Variants in NOX4 observed in about 807,000 individuals in gnomAD.
The protein encoded by NOX4 is kidney oxidase-1.
Under a neutral mutation model 87.6 loss-of-function variants are expected in NOX4, and 69 were observed. The observed-to-expected ratio is 0.79, with a 90% CI of 0.65 to 0.96. The LOEUF (loss-of-function observed/expected upper bound fraction) is 0.96, where lower values mean the gene tolerates loss of function less well. Ranked by LOEUF, NOX4 falls within the 40% of genes least tolerant of loss-of-function variation. The pLI is 0.00. For synonymous variants in NOX4, 275 were observed against 238.2 expected, an observed-to-expected ratio of 1.15 and a Z score of -1.42; for missense variants, 680 against 681.5, an observed-to-expected ratio of 1.00 and a Z score of 0.02.
intron 12 of NOX4, among the ~76,000 whole-genome samples, chr11:89,366,638 T>G (rs922180729): frequency 7.4e-5 from 11 of 148,294 alleles, no homozygotes; most frequent in Admixed American, 1.4e-4. Flanking sequence ...CAGTGAGCCA[T>G]GACCATATCA....
intron 11 of NOX4, among the ~76,000 whole-genome samples, chr11:89,390,031 T>C (rs1941019444): frequency 1.3e-5 from 2 of 152,184 alleles, no homozygotes; most frequent in African/African-American, 4.8e-5. Context: ...ACTCACTGTT[T>C]AGTGGGAATC....
intron 3 of NOX4, among the ~76,000 whole-genome samples, chr11:89,450,914 G>C (rs527867336): frequency 3.3e-5 from 5 of 151,620 alleles, no homozygotes; most frequent in Non-Finnish European, 7.4e-5. Context: ...TCCTTTGTAG[G>C]GACATGGATG....
intron 8 of NOX4, among the ~76,000 whole-genome samples, chr11:89,418,117 A>G (rs2135250176): frequency 6.6e-6 from 1 of 152,160 alleles, no homozygotes; most frequent in East Asian, 1.9e-4. Context: ...GGTTAAGCCA[A>G]GGGCACAGAT....
At chr11:89,588,101 T>C in the NOX4 span, among the ~76,000 whole-genome samples, 7 of 152,196 alleles carry the variant, frequency 4.6e-5, no homozygotes, top group South Asian at 2.1e-4. Flanking sequence ...TTATTTGCTT[T>C]TACTCTGCTA....
At chr11:89,404,320 G>A (rs1591136502) in intron 8 of NOX4, among the ~76,000 whole-genome samples, 2 of 152,218 alleles carry the variant, frequency 1.3e-5, no homozygotes, top group South Asian at 4.1e-4. Flanking sequence ...TATTCTACTG[G>A]CCAAAAGTTG....
intron 8 of NOX4, among the ~76,000 whole-genome samples, chr11:89,418,027 T>C (rs1942874906): frequency 6.6e-6 from 1 of 152,064 alleles, no homozygotes; most frequent in Non-Finnish European, 1.5e-5. Context: ...TGAAATGTCA[T>C]CTTTTTAGGG....
At chr11:89,491,767 A>C (rs11018631), upstream of NOX4, among the ~76,000 whole-genome samples, 2,703 of 114,566 alleles carry the variant, frequency 0.024, 38 homozygotes, top group East Asian at 0.06. Context: ...CACACACACA[A>C]GAAGACACAG....
chr11:89,413,357 T>C (rs1266482886), intron 8 of NOX4, among the ~76,000 whole-genome samples: 1 of 152,144 alleles, frequency 6.6e-6, no homozygotes, highest in Non-Finnish European at 1.5e-5. Context: ...GAAATCAGTA[T>C]ATTGAAGAGA....
At chr11:89,386,727 A>G (rs1228300428) in intron 11 of NOX4, among the ~76,000 whole-genome samples, 2 of 152,086 alleles carry the variant, frequency 1.3e-5, no homozygotes, top group African/African-American at 4.8e-5. Flanking sequence ...ACCTAAATCA[A>G]TCTGGCCTGC....
chr11:89,403,820 G>A (rs1942016910), intron 8 of NOX4, among the ~76,000 whole-genome samples: 1 of 152,112 alleles, frequency 6.6e-6, no homozygotes, highest in Non-Finnish European at 1.5e-5. Context: ...GATACTAAGA[G>A]ATCCATATAT....
chr11:89,407,349 G>A (rs1192494979), intron 8 of NOX4, among the ~76,000 whole-genome samples: 1 of 152,076 alleles, frequency 6.6e-6, no homozygotes, highest in East Asian at 1.9e-4. Context: ...GACATGGTGA[G>A]GGATGAGGAA....
At chr11:89,441,251 CTG>C (rs1162543713) in intron 5 of NOX4, among the ~76,000 whole-genome samples, 1 of 152,170 alleles carries the variant, frequency 6.6e-6, no homozygotes, top group African/African-American at 2.4e-5. Flanking sequence ...AAACCAGTTT[CTG>C]CTACTTAGAA....
the NOX4 span, among the ~76,000 whole-genome samples, chr11:89,540,266 GT>G: frequency 2.7e-3 from 414 of 152,180 alleles, 3 homozygotes; most frequent in African/African-American, 9.5e-3. Context: ...TTAGGCTATG[GT>G]TTTGTTCCCT....
At chr11:89,425,765 T>G (rs2135282258) in intron 7 of NOX4, among the ~76,000 whole-genome samples, 1 of 152,112 alleles carries the variant, frequency 6.6e-6, no homozygotes, top group Non-Finnish European at 1.5e-5. Flanking sequence ...TTGTGAAATT[T>G]TAGGGTGTAT....
chr11:89,347,244 C>T (rs181316257), intron 13 of NOX4, among the ~76,000 whole-genome samples: 152 of 152,280 alleles, frequency 1.0e-3, no homozygotes, highest in Non-Finnish European at 1.4e-3. Context: ...CTAAGCAGAG[C>T]ATATCACCCA....
At chr11:89,395,670 T>C (rs1941433682) in intron 11 of NOX4, among the ~76,000 whole-genome samples, 1 of 152,188 alleles carries the variant, frequency 6.6e-6, no homozygotes, top group Non-Finnish European at 1.5e-5. Flanking sequence ...CATCTTGAAT[T>C]AATTTTTGTA....
intron 4 of NOX4, among the ~76,000 whole-genome samples, chr11:89,448,721 A>T (rs1944819041): frequency 6.6e-6 from 1 of 152,008 alleles, no homozygotes; most frequent in Admixed American, 6.6e-5. Context: ...GTCTCTACAA[A>T]AAAATACAAA....
chr11:89,515,480 T>C, the NOX4 span, among the ~76,000 whole-genome samples: 2 of 152,002 alleles, frequency 1.3e-5, no homozygotes, highest in East Asian at 1.9e-4. Flanking sequence ...GTTTTTTTTT[T>C]CAAATACATG....
intron 7 of NOX4, among the ~76,000 whole-genome samples, chr11:89,424,145 A>G (rs1943243324): frequency 6.6e-6 from 1 of 151,820 alleles, no homozygotes; most frequent in Non-Finnish European, 1.5e-5. Flanking sequence ...AAATCTCTAC[A>G]TATTTCTCTT....
Sources: gnomAD v4.1 joint callset for allele counts (sites outside exome capture counted in the v4.1 genomes callset) on GRCh38, gnomAD v4.1.1 for gene constraint, MANE v1.5 for transcripts, NCBI Gene and HGNC (gene_info 2026-07-23, HGNC 2026-07-21) for gene names.